The following SYNE2 variants were observed in gnomAD, a reference collection of about 807,000 sequenced individuals.
SYNE2 encodes spectrin repeat containing nuclear envelope protein 2.
A neutral mutation model predicts 856.3 loss-of-function variants in SYNE2; 431 were observed. The observed-to-expected ratio is 0.50, with a 90% CI of 0.47 to 0.55. The LOEUF (loss-of-function observed/expected upper bound fraction) is 0.55. Ranked by LOEUF, SYNE2 falls within the 20% of genes least tolerant of loss-of-function variation. The pLI, the probability that SYNE2 is intolerant of heterozygous loss-of-function variation, is 0.00. For missense variants in SYNE2, 8,129 were observed against 8,023.2 expected, an observed-to-expected ratio of 1.01 and a Z score of -0.50; for synonymous variants, 2,923 against 2,872.3, an observed-to-expected ratio of 1.02 and a Z score of -0.56.
At chr14:63,836,047 G>T (rs1566597977) in intron 1 of SYNE2, among the ~76,000 whole-genome samples, 1 of 151,390 alleles carries the variant, frequency 6.6e-6, no homozygotes, top group Non-Finnish European at 1.5e-5. Flanking sequence ...TGCATTTCTA[G>T]TTCCTTTTGA....
chr14:64,124,519 C>T (rs115360227), intron 70 of SYNE2, among the ~76,000 whole-genome samples: 1,849 of 152,030 alleles, frequency 0.012, 45 homozygotes, highest in African/African-American at 0.042. Flanking sequence ...CCACTAAGCC[C>T]AGCCTTTCCT....
At chr14:63,871,113 G>T (rs927604292) in intron 1 of SYNE2, among the ~76,000 whole-genome samples, 6 of 152,118 alleles carry the variant, frequency 3.9e-5, no homozygotes, top group African/African-American at 7.2e-5. Context: ...TATCAATGCG[G>T]TTGCACAGAA....
At chr14:64,072,128 C>T (rs2097415474) in intron 52 of SYNE2, among the ~76,000 whole-genome samples, 1 of 152,182 alleles carries the variant, frequency 6.6e-6, no homozygotes, top group Non-Finnish European at 1.5e-5. Context: ...ATTTTCATAA[C>T]AACACTGCAG....
chr14:64,038,246 C>A (rs202231732), intron 45 of SYNE2, among the ~76,000 whole-genome samples: 1 of 149,632 alleles, frequency 6.7e-6, no homozygotes, highest in Non-Finnish European at 1.5e-5. Context: ...GACAGGATGG[C>A]GGCCGGGAAG....
intron 21 of SYNE2, among the ~76,000 whole-genome samples, chr14:63,992,195 G>C (rs1171562357): frequency 6.6e-6 from 1 of 151,842 alleles, no homozygotes; most frequent in Non-Finnish European, 1.5e-5. Context: ...CGATGGTGAG[G>C]CTGGATTCTA....
intron 85 of SYNE2, among the ~76,000 whole-genome samples, chr14:64,155,931 G>A (rs1295513925): frequency 4.6e-5 from 7 of 152,210 alleles, no homozygotes; most frequent in East Asian, 3.9e-4. Context: ...GGATCCTGGC[G>A]GCACCATTTT....
Position 64,120,947 on chromosome 14 carries a change from A to G in SYNE2, c.13044A>G (p.Lys4348=), listed in dbSNP as rs2153665812. The change falls in exon 68 of 116, where the codon AAA becomes AAG. Residue 4348 remains lysine, a synonymous_variant. Coordinates refer to ENST00000555002, the MANE Select transcript of SYNE2 (RefSeq NM_182914.3). ...SEDQHPTILK[K]SSEPEHQEAL... Reference sequence around the variant, plus strand: ...TGCAGCATCCTACCATTCTAAAGAAATCCTCAGAGCCAGAGCATCAAGAAG... The same window carrying G: ...TGCAGCATCCTACCATTCTAAAGAAGTCCTCAGAGCCAGAGCATCAAGAAG... The G allele has an allele frequency of 6.2e-7, 1 of 1,614,172 alleles. No individual in the cohort carries two copies. The highest frequency in any genetic ancestry group is 1.1e-5 in the South Asian group (1 of 91,080).
intron 1 of SYNE2, among the ~76,000 whole-genome samples, chr14:63,790,244 A>G (rs1354871915): frequency 2.0e-5 from 3 of 151,958 alleles, no homozygotes; most frequent in Non-Finnish European, 4.4e-5. Context: ...AGGTGGGGGG[A>G]TCACCTGAGC....
intron 45 of SYNE2, among the ~76,000 whole-genome samples, chr14:64,037,555 TC>T (rs2097101747): frequency 8.7e-6 from 1 of 115,538 alleles, no homozygotes; most frequent in Admixed American, 9.4e-5. Flanking sequence ...ACGGCAACCA[TC>T]CGATTTCTCA....
chr14:63,824,651 A>AAC (rs2139874068), intron 1 of SYNE2, among the ~76,000 whole-genome samples: 1 of 151,138 alleles, frequency 6.6e-6, no homozygotes, highest in African/African-American at 2.4e-5. Context: ...AAAAAAAAAA[A>AAC]AGCGTAATTA....
intron 12 of SYNE2, among the ~76,000 whole-genome samples, chr14:63,977,260 T>A (rs2096551121): frequency 6.6e-6 from 1 of 152,148 alleles, no homozygotes; most frequent in Non-Finnish European, 1.5e-5. Flanking sequence ...TCGTCCAGGC[T>A]GGAGTGCAGT....
Position 64,223,377 on chromosome 14 carries a change from C to G in SYNE2, c.20379C>G (p.Thr6793=). ...VSQDLMALQG[T]QNPASPLPSF... ...AAGATTTAATGGCCTTGCAGGGAAC[C>G]CAGGTGAGTCTACTTGTAGCTTTTA... Residue 6793 remains threonine (T), a synonymous_variant, in exon 113 of 116, where the codon ACC becomes ACG. Coordinates refer to ENST00000555002, the MANE Select transcript of SYNE2 (RefSeq NM_182914.3). 6.2e-7 allele frequency: 1 copy of G among 1,613,692 alleles called. No homozygotes were observed.
chr14:64,178,270 AC>A (rs1424324675), intron 96 of SYNE2, among the ~76,000 whole-genome samples: 2 of 152,216 alleles, frequency 1.3e-5, no homozygotes, highest in Non-Finnish European at 2.9e-5. Context: ...AAAAGGCATA[AC>A]AAATAATATG....
At chr14:63,800,215 A>G (rs769177551) in intron 1 of SYNE2, among the ~76,000 whole-genome samples, 1 of 152,084 alleles carries the variant, frequency 6.6e-6, no homozygotes, top group Non-Finnish European at 1.5e-5. Context: ...CAGAAAGTAT[A>G]ATAATAGGTT....
Position 64,225,881 on chromosome 14 carries a change from G to A in SYNE2, c.*355G>A. On this transcript the variant is annotated 3_prime_UTR_variant, in exon 116 of 116. Transcript: ENST00000555002. ...GTAGGTATGGTCAATGAGCAGTGGT[G>A]TCCATCACATATATTATAGAAGCAA... 1.9e-6 allele frequency: 1 copy of A among 520,464 alleles called. No individual in the cohort carries two copies. Among genetic ancestry groups the A allele is most frequent in the Non-Finnish European group, 3.4e-6 (1 of 291,256 alleles). The allele number at this position is 520,464 out of a possible 1,614,324, so 32.2% of individuals were successfully genotyped here. A position where few individuals can be genotyped will look rare whatever the true frequency, so the allele number is the denominator to read the frequency against.
In SYNE2 at chr14:63,993,858, A is replaced by C; in HGVS notation, c.2670A>C (p.Thr890=). ...AGGAAGCACTAATAATTTCTAATAC[A>C]AAAAGTCTGGCCAAGTATTTGAAAG... ...KHKEALIISN[T]KSLAKYLKAV... The change falls in exon 22 of 116, where the codon ACA becomes ACC. Residue 890 remains threonine (T), a synonymous_variant. Coordinates refer to ENST00000555002, the MANE Select transcript of SYNE2 (RefSeq NM_182914.3). The C allele has an allele frequency of 1.2e-6, 2 of 1,609,634 alleles. No individual in the cohort carries two copies. Among genetic ancestry groups the C allele is most frequent in the South Asian group, 1.1e-5 (1 of 90,028 alleles).
chr14:64,194,222 C>T (rs771985533), intron 99 of SYNE2, among the ~76,000 whole-genome samples: 4 of 152,086 alleles, frequency 2.6e-5, no homozygotes, highest in Non-Finnish European at 2.9e-5. Flanking sequence ...TATGCTACTA[C>T]GTTCATTTGT....
Position 64,216,521 on chromosome 14 carries a change from C to A in SYNE2, c.19542+134C>A, listed in dbSNP as rs547730386. 86 of 1,022,096 alleles carry A rather than the reference C, an allele frequency of 8.4e-5. No individual in the cohort carries two copies. In the East Asian group the frequency reaches 2.0e-3, roughly 23 times the overall value. The allele number at this position is 1,022,096 out of a possible 1,614,324, so 63.3% of individuals were successfully genotyped here. On this transcript the variant is annotated intron_variant, in intron 108 of 115. Transcript: ENST00000555002. Reference sequence around the variant, plus strand: ...TTTTGAGTTGGTTTTCTTATGGTGACAGTGTCTCTGTTGAGCTGTCCATAC... The same window carrying A: ...TTTTGAGTTGGTTTTCTTATGGTGAAAGTGTCTCTGTTGAGCTGTCCATAC...
chr14:64,017,876 C>A, intron 34 of SYNE2, 120 bp downstream of exon 34: 2 of 1,022,986 alleles, frequency 2.0e-6, no homozygotes, highest in South Asian at 1.4e-5. Context: ...AAGAAAATCA[C>A]AGACATTTTT....
Sources: allele counts gnomAD v4.1 joint callset (sites outside exome capture counted in the v4.1 genomes callset), GRCh38; gene constraint gnomAD v4.1.1; transcripts MANE v1.5; gene names NCBI Gene and HGNC (gene_info 2026-07-23, HGNC 2026-07-21).